PCDH7: variants seen among roughly 807,000 people sequenced by gnomAD.
PCDH7 encodes the protein protocadherin 7.
A neutral mutation model predicts 58.9 loss-of-function variants in PCDH7; 17 were observed. That is an observed-to-expected ratio of 0.29 (90% confidence interval 0.20 to 0.43). The LOEUF is 0.43. PCDH7 is among the 20% of genes least tolerant of loss of function. The probability of loss-of-function intolerance (pLI) is 1.00; values close to 1 mark genes in which losing one functional copy is unlikely to be tolerated. For missense variants in PCDH7, 1,274 were observed against 1,441.0 expected (o/e 0.88, Z 1.88); for synonymous variants, 664 against 616.4 (o/e 1.08, Z -1.14).
chr4:31,040,375 T>G (rs906141434), intron 3 of PCDH7, among the ~76,000 whole-genome samples: 9 of 152,158 alleles, frequency 5.9e-5, no homozygotes, highest in Non-Finnish European at 1.3e-4. Context: ...GATGTAAACT[T>G]TATCTGGCTC....
chr4:30,778,423 G>A (rs1447362), intron 1 of PCDH7, among the ~76,000 whole-genome samples: 2,884 of 152,160 alleles, frequency 0.019, 39 homozygotes, highest in Middle Eastern at 0.034. Flanking sequence ...CAATGTGCAT[G>A]TTAAAATTAT....
chr4:31,022,793 G>T (rs1754131071), intron 3 of PCDH7, among the ~76,000 whole-genome samples: 2 of 152,108 alleles, frequency 1.3e-5, no homozygotes, highest in African/African-American at 4.8e-5. Flanking sequence ...GTCAAACTTG[G>T]CCCTTGTCTT....
intron 2 of PCDH7, among the ~76,000 whole-genome samples, chr4:30,926,617 T>A (rs1743909832): frequency 6.6e-6 from 1 of 152,230 alleles, no homozygotes. Context: ...CCAGTTAGTT[T>A]TTTTTCTTTT....
chr4:30,721,472 G>A lies in PCDH7; in HGVS notation c.50G>A (p.Cys17Tyr). Reference sequence around the variant, plus strand: ...TGGGCGCGCGGCTGGTGCTTGGGCTGCTGCCTCCTCCTGCCGCTCTCGCTC... The same window carrying A: ...TGGGCGCGCGGCTGGTGCTTGGGCTACTGCCTCCTCCTGCCGCTCTCGCTC... The change falls in exon 1 of 2, where the codon TGC (cysteine) becomes TAC (tyrosine). Residue 17 changes from cysteine (C) to tyrosine (Y), a missense_variant. By Grantham distance (194) the Cys-to-Tyr change is radical. Around this residue, in one of 3 missense-constraint regions of PCDH7, gnomAD observed 212 missense variants for 255.8 expected, o/e 0.83. Transcript: ENST00000361762. This position sits in a 1 kb window ranked among gnomAD's most constrained non-coding sequence, Gnocchi z 6.7. 1 of 1,579,032 alleles carries A rather than the reference G, an allele frequency of 6.3e-7. No individual in the cohort carries two copies. Among genetic ancestry groups the A allele is most frequent in the South Asian group, 1.1e-5 (1 of 87,692 alleles).
chr4:30,724,721 A>C (rs1714366314), intron 1 of PCDH7, 125 bp downstream of exon 1: 1 of 1,451,552 alleles, frequency 6.9e-7, no homozygotes, highest in African/African-American at 1.4e-5. Flanking sequence ...GTAGGAATTT[A>C]ATGTTAATTT....
At chr4:31,002,599 C>T (rs904530655) in intron 3 of PCDH7, among the ~76,000 whole-genome samples, 2 of 152,146 alleles carry the variant, frequency 1.3e-5, no homozygotes, top group African/African-American at 4.8e-5. Flanking sequence ...AAATGCATTA[C>T]TCGAGCAAAT....
chr4:30,969,672 G>A (rs1749379345), intron 3 of PCDH7, among the ~76,000 whole-genome samples: 1 of 152,138 alleles, frequency 6.6e-6, no homozygotes, highest in Non-Finnish European at 1.5e-5. Flanking sequence ...GAGAGAGAGA[G>A]ACAGAGAGAG....
intron 1 of PCDH7, among the ~76,000 whole-genome samples, chr4:30,894,514 TATACACACACACAC>T (rs1349286022): frequency 4.0e-4 from 19 of 48,028 alleles, no homozygotes; most frequent in South Asian, 8.0e-4. Flanking sequence ...TATATATATA[TATACACACACACAC>T]ACACACACAC....
intron 3 of PCDH7, among the ~76,000 whole-genome samples, chr4:30,964,569 T>C (rs1045953338): frequency 2.0e-5 from 3 of 151,380 alleles, no homozygotes; most frequent in African/African-American, 7.3e-5. Context: ...GGGGACTTAC[T>C]GAATTTTATT....
At chr4:30,894,113 G>A (rs143943472) in intron 1 of PCDH7, among the ~76,000 whole-genome samples, 116 of 152,126 alleles carry the variant, frequency 7.6e-4, no homozygotes, top group African/African-American at 2.6e-3. Flanking sequence ...AATTATTTCT[G>A]TAGGAATATG....
intron 3 of PCDH7, among the ~76,000 whole-genome samples, chr4:31,069,851 A>T (rs1499472): frequency 0.24 from 35,581 of 150,922 alleles, 4,444 homozygotes; most frequent in South Asian, 0.33. Context: ...TTTATATATA[A>T]ATTAATCTCA....
intron 1 of PCDH7, among the ~76,000 whole-genome samples, chr4:30,800,990 T>C (rs2109306165): frequency 6.6e-6 from 1 of 152,318 alleles, no homozygotes; most frequent in African/African-American, 2.4e-5. Context: ...GGGCAGTTTA[T>C]GGTGAAAGCT....
At chr4:30,877,838 A>T (rs904841392) in intron 1 of PCDH7, among the ~76,000 whole-genome samples, 18 of 152,102 alleles carry the variant, frequency 1.2e-4, no homozygotes, top group African/African-American at 4.3e-4. Flanking sequence ...TCTTATCTGG[A>T]TATGGAAATC....
chr4:30,864,502 C>T (rs1734632031), intron 1 of PCDH7, among the ~76,000 whole-genome samples: 1 of 150,614 alleles, frequency 6.6e-6, no homozygotes, highest in Non-Finnish European at 1.5e-5. Context: ...GCTTAATCTA[C>T]CAGTGAAAAT....
intron 1 of PCDH7, among the ~76,000 whole-genome samples, chr4:30,754,341 G>C (rs1368536808): frequency 6.6e-6 from 1 of 152,122 alleles, no homozygotes; most frequent in Non-Finnish European, 1.5e-5. Context: ...AAAAGAGGTT[G>C]TTATAATCAA....
At chr4:31,141,399 A>G (rs540088208) in intron 3 of PCDH7, among the ~76,000 whole-genome samples, 7 of 152,250 alleles carry the variant, frequency 4.6e-5, no homozygotes, top group African/African-American at 1.7e-4. Context: ...ATAAAAAACA[A>G]TAAAACATTT....
chr4:30,799,658 T>C (rs1725270843), intron 1 of PCDH7, among the ~76,000 whole-genome samples: 1 of 152,184 alleles, frequency 6.6e-6, no homozygotes, highest in Non-Finnish European at 1.5e-5. Context: ...TTGCTGTTAC[T>C]CATGATGTGA....
At chr4:30,874,106 A>G (rs1735963595) in intron 1 of PCDH7, among the ~76,000 whole-genome samples, 1 of 152,076 alleles carries the variant, frequency 6.6e-6, no homozygotes, top group African/African-American at 2.4e-5. Flanking sequence ...GGGACTGTAA[A>G]CTAGTTCGAC....
At chr4:31,008,316 A>G (rs1752936672) in intron 3 of PCDH7, among the ~76,000 whole-genome samples, 1 of 152,180 alleles carries the variant, frequency 6.6e-6, no homozygotes, top group African/African-American at 2.4e-5. Context: ...GCTTTTGGGG[A>G]AAAATATACT....
Sources: gnomAD v4.1 joint callset for allele counts (sites outside exome capture counted in the v4.1 genomes callset) on GRCh38, gnomAD v4.1.1 for gene constraint, gnomAD v4.1.1 regional missense constraint, Gnocchi (gnomAD v3.1) non-coding constraint, MANE v1.5 for transcripts, NCBI Gene and HGNC (gene_info 2026-07-23, HGNC 2026-07-21) for gene names.